CD46: variants seen among roughly 807,000 people sequenced by gnomAD.
The protein encoded by CD46 is CD46 molecule, also known as membrane cofactor protein.
In CD46, 30 loss-of-function variants were observed where a neutral mutation model predicts 53.3. The observed-to-expected ratio is 0.56, with a 90% confidence interval of 0.42 to 0.76. The LOEUF (loss-of-function observed/expected upper bound fraction) is 0.76, where lower values mean the gene tolerates loss of function less well. Ranked by LOEUF, CD46 falls within the 30% of genes least tolerant of loss-of-function variation. The probability of loss-of-function intolerance (pLI) is 0.00; values close to 1 mark genes in which losing one functional copy is unlikely to be tolerated. For synonymous variants in CD46, 142 were observed against 152.0 expected, an observed-to-expected ratio of 0.93 and a Z score of 0.48; for missense variants, 409 against 463.0, an observed-to-expected ratio of 0.88 and a Z score of 1.07.
chr1:207,773,178 A>G (rs1657706486), intron 8 of CD46, among the ~76,000 whole-genome samples: 2 of 152,230 alleles, frequency 1.3e-5, no homozygotes, highest in South Asian at 4.1e-4. Flanking sequence ...TTTCTAGCTT[A>G]TTTGTGTAGA....
chr1:207,760,029 T>C (rs1656006638), intron 4 of CD46: 2 of 260,960 alleles, frequency 7.7e-6, no homozygotes, highest in Non-Finnish European at 1.5e-5. Context: ...TTCAGGCATG[T>C]GCCACTATGC....
At chr1:207,792,898 A>G (rs1348406933) in intron 12 of CD46, among the ~76,000 whole-genome samples, 1 of 152,244 alleles carries the variant, frequency 6.6e-6, no homozygotes, top group Non-Finnish European at 1.5e-5. Context: ...GTTAAAGAAA[A>G]TAAAATTATT....
chr1:207,761,347 G>C lies in CD46; in HGVS notation c.574G>C (p.Asp192His), dbSNP rs368371683. Residue 192 changes from aspartate to histidine, a missense_variant, in exon 5 of 13, where the codon GAT becomes CAT. Transcript: ENST00000367042. Reference protein sequence around the residue: ...EYLDAVTYSCDPAPGPDPFSL... With the variant: ...EYLDAVTYSCHPAPGPDPFSL... ...TCTTGATGCAGTAACTTATAGTTGTGATCCTGCACCTGGACCAGATCCATT... is the reference window on the plus strand; with the variant it reads ...TCTTGATGCAGTAACTTATAGTTGTCATCCTGCACCTGGACCAGATCCATT... 57 of 1,613,280 alleles carry C rather than the reference G, an allele frequency of 3.5e-5. No homozygotes were observed. The East Asian group carries it at 1.0e-3, about 29-fold the overall frequency.
At chr1:207,768,549 C>T (rs189601850) in intron 7 of CD46, 18 of 152,240 alleles carry the variant, frequency 1.2e-4, no homozygotes, top group Admixed American at 1.2e-3. Context: ...CTTTAGTGGG[C>T]AGTTTTATCT....
intron 5 of CD46, among the ~76,000 whole-genome samples, chr1:207,766,179 A>C (rs1273240837): frequency 6.6e-6 from 1 of 152,202 alleles, no homozygotes; most frequent in Non-Finnish European, 1.5e-5. Flanking sequence ...GAGCATGAGG[A>C]AATTCTGGAG....
At chr1:207,770,087 T>A (rs576601737) in intron 7 of CD46, 200 of 504,462 alleles carry the variant, frequency 4.0e-4, no homozygotes, top group Middle Eastern at 1.1e-3. Context: ...TCATGATGGT[T>A]ATCTTCTAAG....
At chr1:207,771,509 G>T (rs894908711) in intron 8 of CD46, among the ~76,000 whole-genome samples, 4 of 151,996 alleles carry the variant, frequency 2.6e-5, no homozygotes, top group Non-Finnish European at 5.9e-5. Flanking sequence ...AGGTTTTCTT[G>T]TTGGGTTTTT....
chr1:207,781,685 C>T (rs1376974260), intron 8 of CD46, among the ~76,000 whole-genome samples: 1 of 152,150 alleles, frequency 6.6e-6, no homozygotes, highest in Non-Finnish European at 1.5e-5. Flanking sequence ...GACTCCCTTT[C>T]CCCATTTGAC....
rs376184008 is a variant in CD46 at position 207,759,737 on chromosome 1, T to G, written c.475+13T>G. The stretch of plus-strand genomic sequence containing the variant: ...CCAATATGTGAAAGTAAGTAAATTC[T>G]TTTTTTTTAAATTTAGACCAGTAGT... On this transcript the variant is annotated intron_variant, in intron 4 of 12. Coordinates refer to ENST00000367042, the MANE Select transcript of CD46 (RefSeq NM_172351.3). 1.4e-6 allele frequency: 2 copies of G among 1,457,036 alleles called. No individual in the cohort carries two copies. Among genetic ancestry groups the G allele is most frequent in the Non-Finnish European group, 9.6e-7 (1 of 1,043,514 alleles). 90.3% of individuals were successfully genotyped at this position (1,457,036 alleles called of 1,614,324 possible).
intron 5 of CD46, 32 bp from the exon 6 acceptor site, chr1:207,766,981 C>G: frequency 6.4e-7 from 1 of 1,561,598 alleles, no homozygotes; most frequent in African/African-American, 1.4e-5. Flanking sequence ...AAGCAGATAT[C>G]CATTAATTCT....
intron 9 of CD46, among the ~76,000 whole-genome samples, chr1:207,784,698 C>T (rs1044545164): frequency 1.3e-5 from 2 of 152,192 alleles, no homozygotes; most frequent in Non-Finnish European, 2.9e-5. Context: ...TTAACTGACT[C>T]AGTTCTGCAG....
intron 11 of CD46, among the ~76,000 whole-genome samples, chr1:207,789,908 C>T (rs1659635029): frequency 7.0e-6 from 1 of 142,954 alleles, no homozygotes; most frequent in African/African-American, 2.6e-5. Context: ...ATCAAGAGTG[C>T]TAGAGACCGG....
Position 207,773,908 on chromosome 1 carries a change from C to T in CD46, c.943+3546C>T, listed in dbSNP as rs955392324. Among the ~76,000 whole-genome samples, 51 of 152,074 alleles carry T rather than the reference C, an allele frequency of 3.4e-4. 2 individuals are homozygous for T. The highest frequency in any genetic ancestry group is 3.3e-3 in the Admixed American group (51 of 15,258). On this transcript the variant is annotated intron_variant, in intron 8 of 12. Transcript: ENST00000367042. ...TAGATGATTAGTAGGTCTGCTTGGT[C>T]CAGAGCTAGTTCAAGTCCTGGATAT...
intron 12 of CD46, among the ~76,000 whole-genome samples, chr1:207,791,435 A>T (rs1659791142): frequency 6.6e-6 from 1 of 152,378 alleles, no homozygotes; most frequent in South Asian, 2.1e-4. Context: ...AACCACAGGT[A>T]CTGTGATACC....
At chr1:207,775,228 A>G (rs1657972939) in intron 8 of CD46, among the ~76,000 whole-genome samples, 1 of 152,158 alleles carries the variant, frequency 6.6e-6, no homozygotes, top group African/African-American at 2.4e-5. Context: ...TTTCAGCTCC[A>G]TCATGTCATT....
intron 6 of CD46, 92 bp downstream of exon 6, chr1:207,767,287 C>A: frequency 8.9e-7 from 1 of 1,118,472 alleles, no homozygotes; most frequent in Non-Finnish European, 1.4e-6. Flanking sequence ...ATCAGTCATA[C>A]AAAATAACTG....
intron 5 of CD46, among the ~76,000 whole-genome samples, chr1:207,766,429 A>AG (rs1477176789): frequency 1.3e-5 from 2 of 152,174 alleles, no homozygotes; most frequent in East Asian, 3.8e-4. Flanking sequence ...CTAAAGAAAG[A>AG]GAGAGGCTTA....
intron 5 of CD46, 144 bp from the exon 6 acceptor site, chr1:207,766,869 T>G: frequency 1.5e-6 from 1 of 657,210 alleles, no homozygotes; most frequent in East Asian, 2.7e-5. Flanking sequence ...AATATATTAG[T>G]TAACATTTAA....
chr1:207,777,540 C>A (rs551681009), intron 8 of CD46, among the ~76,000 whole-genome samples: 1 of 152,192 alleles, frequency 6.6e-6, no homozygotes, highest in South Asian at 2.1e-4. Context: ...TCTTTGTGTT[C>A]ATTAGTTCTT....
Sources: allele counts gnomAD v4.1 joint callset (sites outside exome capture counted in the v4.1 genomes callset), GRCh38; gene constraint gnomAD v4.1.1; transcripts MANE v1.5; gene names NCBI Gene and HGNC (gene_info 2026-07-23, HGNC 2026-07-21).